The following NIBAN1 variants were observed in gnomAD, a reference collection of about 807,000 sequenced individuals.
NIBAN1 encodes niban apoptosis regulator 1, also known as protein Niban 1.
Under a neutral mutation model 75.1 loss-of-function variants are expected in NIBAN1, and 81 were observed. That is an observed-to-expected ratio of 1.08 (90% CI 0.90 to 1.30). NIBAN1 has a LOEUF of 1.30. NIBAN1 is among the 50% of genes most tolerant of loss of function. NIBAN1 has a pLI of 0.00. For synonymous variants in NIBAN1, 436 were observed against 424.8 expected, an observed-to-expected ratio of 1.03 and a Z score of -0.32; for missense variants, 1,133 against 1,128.1, an observed-to-expected ratio of 1.00 and a Z score of -0.06.
At chr1:184,967,347 A>G (rs138282007) in intron 1 of NIBAN1, among the ~76,000 whole-genome samples, 3 of 152,018 alleles carry the variant, frequency 2.0e-5, no homozygotes, top group East Asian at 1.9e-4. Context: ...TTATGCTTTT[A>G]TCTTCACTTC....
At chr1:184,798,759 C>T (rs1159039999) in intron 12 of NIBAN1, among the ~76,000 whole-genome samples, 1 of 152,034 alleles carries the variant, frequency 6.6e-6, no homozygotes, top group African/African-American at 2.4e-5. Context: ...AGTTCCCCCA[C>T]CCCACTTTCC....
intron 5 of NIBAN1, among the ~76,000 whole-genome samples, chr1:184,843,568 C>T (rs1016732090): frequency 6.6e-5 from 10 of 152,282 alleles, no homozygotes; most frequent in East Asian, 5.8e-4. Flanking sequence ...TCTATCACCC[C>T]GTGTGCCATA....
chr1:184,890,253 T>C (rs1656633311), intron 3 of NIBAN1, 31 bp from the exon 4 acceptor site: 12 of 1,525,438 alleles, frequency 7.9e-6, no homozygotes, highest in South Asian at 1.1e-5. Context: ...AGGAATGATA[T>C]CTTTTTCCCC....
intron 9 of NIBAN1, among the ~76,000 whole-genome samples, chr1:184,814,064 T>C (rs1031294982): frequency 6.6e-6 from 1 of 152,208 alleles, no homozygotes; most frequent in Admixed American, 6.5e-5. Context: ...AAATGTAAAT[T>C]TTTGCCTAGG....
rs35519346 is a variant in NIBAN1 at position 184,795,972 on chromosome 1, C to T, written c.1792G>A (p.Ala598Thr). The T allele has an allele frequency of 6.2e-7, 1 of 1,614,150 alleles. No homozygotes were observed. Among genetic ancestry groups the T allele is most frequent in the East Asian group, 2.2e-5 (1 of 44,888 alleles). ...PPTGSNQASP[A>T]RRASAILPGV... ...GGCAGAATGGCAGAAGCTCTCCTGG[C>T]AGGGCTGGCCTGGTTTGACCCTGTG... The change falls in exon 14 of 14, where the codon GCC becomes ACC. Residue 598 changes from alanine (A) to threonine (T), a missense_variant. Coordinates refer to ENST00000367511, the MANE Select transcript of NIBAN1 (RefSeq NM_052966.4).
rs1245050517 is a variant in NIBAN1, at chr1:184,907,741, C to T, written c.56-8432G>A. ...ATAAATTGGATTCTCCATAATTGAA[C>T]TGAAGGGAGTGTATGTGTGTTTTTA... On this transcript the variant is annotated intron_variant, in intron 1 of 13. Transcript: ENST00000367511. 2.0e-5 allele frequency among the ~76,000 whole-genome samples: 3 copies of T among 152,176 alleles called. No homozygotes were observed. In the South Asian group the frequency reaches 6.2e-4, roughly 32 times the overall value.
At chr1:184,891,003 T>C (rs1656653754) in intron 3 of NIBAN1, among the ~76,000 whole-genome samples, 1 of 152,172 alleles carries the variant, frequency 6.6e-6, no homozygotes, top group African/African-American at 2.4e-5. Flanking sequence ...AAGTTGAGAA[T>C]TGAAACTAAG....
intron 8 of NIBAN1, among the ~76,000 whole-genome samples, chr1:184,821,138 C>T (rs559803637): frequency 2.3e-4 from 35 of 152,264 alleles, no homozygotes; most frequent in African/African-American, 8.4e-4. Context: ...TGTAAAATCA[C>T]GTTGTCTTCT....
At position 184,890,216 on chromosome 1, in the gene NIBAN1, GAT is replaced by G. The variant is rs1298233711; in HGVS notation, c.323_324del (p.Tyr108SerfsTer7). The G allele has an allele frequency of 6.2e-7, 1 of 1,612,828 alleles. No individual in the cohort carries two copies. Among genetic ancestry groups the G allele is most frequent in the African/African-American group, 1.3e-5 (1 of 74,994 alleles). Reference protein sequence around the residue: ...AVESYENKEAYQRGAAPKCRI... With the variant: ...AVESYENKEAXQRGAAPKCRI... The stretch of plus-strand genomic sequence containing the variant: ...CGACATTTAGGAGCAGCTCCTCTCT[GAT>G]AGGCCTGGGGAGGGAAAGGCACACA... On this transcript the variant is annotated frameshift_variant, in exon 4 of 14. Transcript: ENST00000367511. LOFTEE classifies it high-confidence loss of function.
chr1:184,917,926 A>C (rs1039724543), intron 1 of NIBAN1, among the ~76,000 whole-genome samples: 5 of 151,946 alleles, frequency 3.3e-5, no homozygotes, highest in African/African-American at 1.2e-4. Context: ...CATCACCTCT[A>C]TCCACTTCTT....
chr1:184,841,327 G>A (rs1300988532), intron 5 of NIBAN1, among the ~76,000 whole-genome samples: 1 of 152,170 alleles, frequency 6.6e-6, no homozygotes, highest in Non-Finnish European at 1.5e-5. Flanking sequence ...AGTCAGGGGT[G>A]TGATACAATT....
intron 5 of NIBAN1, among the ~76,000 whole-genome samples, chr1:184,842,703 AG>A (rs1655325760): frequency 2.4e-5 from 1 of 40,972 alleles, no homozygotes. Flanking sequence ...CAGTGAGCCG[AG>A]ATTGTGCCTT....
chr1:184,966,191 C>T (rs1175123083), intron 1 of NIBAN1, among the ~76,000 whole-genome samples: 2 of 152,236 alleles, frequency 1.3e-5, no homozygotes, highest in Non-Finnish European at 2.9e-5. Context: ...TGAATCTGGG[C>T]TGGCTCTGAG....
In NIBAN1 at chr1:184,894,121, A is replaced by G. The variant is rs753323348; in HGVS notation, c.272T>C (p.Val91Ala). 1.9e-6 allele frequency: 3 copies of G among 1,612,688 alleles called. No homozygotes were observed. The highest frequency in any genetic ancestry group is 2.7e-5 in the African/African-American group (2 of 74,852). ...EDIKKWKERY[V>A]VVKNDYAVES... Reference sequence around the variant, plus strand: ...CACAGCATAATCATTTTTAACTACAACGTATCTCTCCTTCCACTTCTTTAT... The same window carrying G: ...CACAGCATAATCATTTTTAACTACAGCGTATCTCTCCTTCCACTTCTTTAT... Residue 91 changes from valine (V) to alanine (A), a missense_variant, in exon 3 of 14, where the codon GTT becomes GCT. Val to Ala is a moderately conservative substitution (Grantham distance 64). Transcript: ENST00000367511.
intron 5 of NIBAN1, among the ~76,000 whole-genome samples, chr1:184,843,668 A>G (rs1655357613): frequency 1.3e-5 from 2 of 152,170 alleles, no homozygotes; most frequent in African/African-American, 2.4e-5. Flanking sequence ...TTTGTATGGG[A>G]AGATTTGTAT....
intron 9 of NIBAN1, 44 bp downstream of exon 9, chr1:184,818,594 C>A: frequency 6.7e-7 from 1 of 1,498,228 alleles, no homozygotes; most frequent in Non-Finnish European, 9.0e-7. Flanking sequence ...GAAAACACAG[C>A]CAGGCAGACC....
intron 13 of NIBAN1, among the ~76,000 whole-genome samples, chr1:184,796,960 C>T (rs1653890713): frequency 6.6e-6 from 1 of 152,164 alleles, no homozygotes; most frequent in African/African-American, 2.4e-5. Flanking sequence ...TTTGTGTAGA[C>T]ACTGTGCTGA....
intron 12 of NIBAN1, among the ~76,000 whole-genome samples, chr1:184,799,095 GGTTA>G (rs1653957236): frequency 6.6e-6 from 1 of 151,846 alleles, no homozygotes; most frequent in Non-Finnish European, 1.5e-5. Context: ...ACAATGTGCA[GGTTA>G]GTTACATATG....
At chr1:184,953,034 A>G (rs1658398381) in intron 1 of NIBAN1, among the ~76,000 whole-genome samples, 1 of 152,198 alleles carries the variant, frequency 6.6e-6, no homozygotes, top group African/African-American at 2.4e-5. Flanking sequence ...ATTTTATTTG[A>G]TGTACAGTTT....
Sources: gnomAD v4.1 joint callset for allele counts (sites outside exome capture counted in the v4.1 genomes callset) on GRCh38, gnomAD v4.1.1 for gene constraint, MANE v1.5 for transcripts, NCBI Gene and HGNC (gene_info 2026-07-23, HGNC 2026-07-21) for gene names.